SYT11: variants seen among roughly 807,000 people sequenced by gnomAD.
SYT11 encodes the protein synaptotagmin 11.
In SYT11, 12 loss-of-function variants were observed where a neutral mutation model predicts 30.4. The ratio of observed to expected loss-of-function variants is 0.39; its 90% CI spans 0.25 to 0.64. SYT11 has a LOEUF of 0.64. Ranked by LOEUF, SYT11 falls within the 30% of genes least tolerant of loss-of-function variation. The probability of loss-of-function intolerance (pLI) is 0.45; values close to 1 mark genes in which losing one functional copy is unlikely to be tolerated. For synonymous variants in SYT11, 204 were observed against 216.0 expected, an observed-to-expected ratio of 0.94 and a Z score of 0.49; for missense variants, 412 against 552.0, an observed-to-expected ratio of 0.75 and a Z score of 2.54.
chr1:155,871,510 G>A (rs761105772), intron 2 of SYT11, among the ~76,000 whole-genome samples: 34 of 152,206 alleles, frequency 2.2e-4, no homozygotes, highest in Non-Finnish European at 4.1e-4. Context: ...GCTGCAGCTG[G>A]GAAGAGACTG....
intron 1 of SYT11, 60 bp from the exon 2 acceptor site, chr1:155,867,905 G>GAGA (rs1203994412): frequency 7.8e-7 from 1 of 1,283,954 alleles, no homozygotes; most frequent in Non-Finnish European, 1.1e-6. Flanking sequence ...ATGAGCAGGG[G>GAGA]AGATCTAGAC....
At chr1:155,873,276 A>G (rs1425583062) in intron 2 of SYT11, among the ~76,000 whole-genome samples, 2 of 152,124 alleles carry the variant, frequency 1.3e-5, no homozygotes, top group East Asian at 3.9e-4. Flanking sequence ...AAATACAAAA[A>G]TTAGCTGGGC....
intron 2 of SYT11, among the ~76,000 whole-genome samples, chr1:155,869,292 C>T (rs1467967675): frequency 3.6e-5 from 3 of 83,256 alleles, no homozygotes; most frequent in African/African-American, 9.1e-5. Context: ...TTTTTTGAGA[C>T]AGAGTTTCAC....
At chr1:155,865,613 A>C (rs371596604) in intron 1 of SYT11, among the ~76,000 whole-genome samples, 116 of 151,494 alleles carry the variant, frequency 7.7e-4, no homozygotes, top group Middle Eastern at 3.4e-3. Context: ...GGGCAACAAG[A>C]GCAAAACTCT....
In SYT11 at chr1:155,879,274, G is replaced by A. The variant is rs190310516; in HGVS notation, c.862-1226G>A. On this transcript the variant is annotated intron_variant, in intron 2 of 3. Coordinates refer to ENST00000368324, the MANE Select transcript of SYT11 (RefSeq NM_152280.5). Reference sequence around the variant, plus strand: ...TTTACTAAGAATACAAAAATTAGCCGGGCATGGTGGCGGGCACCTGTAATC... The same window carrying A: ...TTTACTAAGAATACAAAAATTAGCCAGGCATGGTGGCGGGCACCTGTAATC... 3.7e-4 allele frequency among the ~76,000 whole-genome samples: 56 copies of A among 152,064 alleles called. No homozygotes were observed. In the East Asian group the frequency reaches 8.5e-3, roughly 23 times the overall value.
chr1:155,873,828 T>C (rs1672816652), intron 2 of SYT11, among the ~76,000 whole-genome samples: 1 of 152,238 alleles, frequency 6.6e-6, no homozygotes, highest in Admixed American at 6.5e-5. Flanking sequence ...CTGTATTGGA[T>C]AGCTCAGTTC....
intron 2 of SYT11, among the ~76,000 whole-genome samples, chr1:155,873,362 G>A (rs1163577265): frequency 6.6e-6 from 1 of 152,196 alleles, no homozygotes; most frequent in South Asian, 2.1e-4. Flanking sequence ...GGAGACAGAG[G>A]TTGCAGTGAG....
intron 2 of SYT11, among the ~76,000 whole-genome samples, chr1:155,876,761 C>T (rs1280427199): frequency 2.0e-5 from 3 of 151,984 alleles, no homozygotes; most frequent in African/African-American, 7.3e-5. Context: ...CCAATCATTT[C>T]TTCTGTAGCA....
chr1:155,869,428 G>A (rs1173149509), intron 2 of SYT11, among the ~76,000 whole-genome samples: 1 of 151,582 alleles, frequency 6.6e-6, no homozygotes, highest in Admixed American at 6.6e-5. Context: ...CCATCACCAC[G>A]CCTGGCTAAT....
chr1:155,864,556 G>A (rs1227730285), intron 1 of SYT11, among the ~76,000 whole-genome samples: 5 of 152,218 alleles, frequency 3.3e-5, no homozygotes, highest in Non-Finnish European at 5.9e-5. Context: ...AAAACAGTAG[G>A]CATTATACTA....
intron 2 of SYT11, 89 bp from the exon 3 acceptor site, chr1:155,880,411 C>G: frequency 6.5e-7 from 1 of 1,531,892 alleles, no homozygotes; most frequent in Non-Finnish European, 8.9e-7. Context: ...ACTTGTCCTC[C>G]CCCAGACTCT....
At chr1:155,881,112 C>T (rs991350873) in intron 3 of SYT11, 86 bp from the exon 4 acceptor site, 2 of 1,422,410 alleles carry the variant, frequency 1.4e-6, no homozygotes, top group Non-Finnish European at 1.9e-6. Context: ...AGAGCCCCCC[C>T]TTTCCCAACA....
intron 1 of SYT11, among the ~76,000 whole-genome samples, chr1:155,863,620 TA>T (rs1427071102): frequency 1.3e-5 from 2 of 151,986 alleles, no homozygotes; most frequent in South Asian, 2.1e-4. Context: ...GACTCATCTC[TA>T]AAAAAAATTT....
intron 1 of SYT11, among the ~76,000 whole-genome samples, chr1:155,866,362 C>T (rs1672675433): frequency 6.6e-6 from 1 of 152,168 alleles, no homozygotes; most frequent in Admixed American, 6.5e-5. Flanking sequence ...GGTAATCTGC[C>T]TGCCTCAGCC....
chr1:155,864,868 G>T (rs1672644123), intron 1 of SYT11, among the ~76,000 whole-genome samples: 2 of 151,904 alleles, frequency 1.3e-5, no homozygotes, highest in African/African-American at 4.8e-5. Context: ...CTGCCACCAT[G>T]CCAGGCTAAG....
At position 155,873,383 on chromosome 1, in the gene SYT11, G is replaced by A. The variant is rs188688411; in HGVS notation, c.861+4592G>A. ...AGAGGTTGCAGTGAGCCAAGATCAC[G>A]CCACTGCACTCCAGCCTGGCGACAG... On this transcript the variant is annotated intron_variant, in intron 2 of 3. Transcript: ENST00000368324. Among the ~76,000 whole-genome samples, 1,231 of 152,200 alleles carry A rather than the reference G, an allele frequency of 8.1e-3. 15 individuals are homozygous for A. The highest frequency in any genetic ancestry group is 0.028 in the African/African-American group (1,167 of 41,516).
chr1:155,876,665 C>T (rs932185116), intron 2 of SYT11, among the ~76,000 whole-genome samples: 2 of 152,124 alleles, frequency 1.3e-5, no homozygotes, highest in Non-Finnish European at 2.9e-5. Context: ...CAATTAACTG[C>T]CCAAGCCTAA....
chr1:155,879,936 G>A (rs1451975635), intron 2 of SYT11, among the ~76,000 whole-genome samples: 2 of 152,200 alleles, frequency 1.3e-5, no homozygotes, highest in Non-Finnish European at 2.9e-5. Flanking sequence ...GCTTATGCCT[G>A]TAATCCCAGC....
intron 1 of SYT11, 74 bp from the exon 2 acceptor site, chr1:155,867,891 G>T: frequency 8.9e-7 from 1 of 1,122,066 alleles, no homozygotes. Flanking sequence ...CTCCAGCAGT[G>T]GCAATGAGCA....
Sources: allele counts gnomAD v4.1 joint callset (sites outside exome capture counted in the v4.1 genomes callset), GRCh38; gene constraint gnomAD v4.1.1; transcripts MANE v1.5; gene names NCBI Gene and HGNC (gene_info 2026-07-23, HGNC 2026-07-21).